Variants in PKHD1 observed in about 807,000 individuals in gnomAD.
PKHD1 encodes the protein PKHD1 ciliary IPT domain containing fibrocystin/polyductin, also known as fibrocystin.
PKHD1 carries 291 observed loss-of-function variants against 412.0 expected under a neutral mutation model. That is an observed-to-expected ratio of 0.71 (90% CI 0.64 to 0.78). The LOEUF is 0.78. Among genes scored for constraint, PKHD1 ranks in the 30% least tolerant of loss-of-function variants. The pLI, the probability that PKHD1 is intolerant of heterozygous loss-of-function variation, is 0.00. For missense variants in PKHD1, 4,825 were observed against 4,950.7 expected (o/e 0.97, Z 0.76); for synonymous variants, 1,777 against 1,821.5 (o/e 0.98, Z 0.62).
chr6:51,975,963 T>TGAAAAAAAAAAAA (rs1231391714), intron 35 of PKHD1: 2 of 69,766 alleles, frequency 2.9e-5, no homozygotes, highest in African/African-American at 1.1e-4. Flanking sequence ...TTTCTCTAAT[T>TGAAAAAAAAAAAA]AAAAAAAAAA....
At chr6:51,894,037 G>A (rs1779509398) in intron 43 of PKHD1, among the ~76,000 whole-genome samples, 1 of 152,172 alleles carries the variant, frequency 6.6e-6, no homozygotes, top group Non-Finnish European at 1.5e-5. Flanking sequence ...TGCTGTTTGA[G>A]AGCAAAGACT....
At chr6:51,678,732 C>G (rs2150550204) in intron 60 of PKHD1, among the ~76,000 whole-genome samples, 1 of 152,190 alleles carries the variant, frequency 6.6e-6, no homozygotes, top group Non-Finnish European at 1.5e-5. Context: ...TTCATCTATT[C>G]TTAACTTTCT....
rs1009106563 is a variant in PKHD1 at position 52,078,551 on chromosome 6, C to G, written c.390+1349G>C. Among the ~76,000 whole-genome samples the G allele has an allele frequency of 2.6e-5, 4 of 152,202 alleles. No homozygotes were observed. The East Asian group carries it at 7.7e-4, about 29-fold the overall frequency. The stretch of plus-strand genomic sequence containing the variant: ...GTCCCAGTCCCAAAACAAAGAGACA[C>G]GCCGTGTTTTATTTAGCCTGGAATG... On this transcript the variant is annotated intron_variant, in intron 5 of 66. Coordinates refer to ENST00000371117, the MANE Select transcript of PKHD1 (RefSeq NM_138694.4).
chr6:51,766,312 C>T (rs376349385), intron 55 of PKHD1, among the ~76,000 whole-genome samples: 33 of 152,234 alleles, frequency 2.2e-4, no homozygotes, highest in East Asian at 1.9e-3. Context: ...GCTGTATGTC[C>T]TTCCAGGGAT....
intron 60 of PKHD1, among the ~76,000 whole-genome samples, chr6:51,709,681 G>T (rs1413923200): frequency 6.6e-6 from 1 of 152,148 alleles, no homozygotes; most frequent in Non-Finnish European, 1.5e-5. Flanking sequence ...TTTGTTCACT[G>T]ACGTAAAGGT....
At chr6:51,657,518 C>T (rs554879238) in intron 61 of PKHD1, among the ~76,000 whole-genome samples, 30 of 152,070 alleles carry the variant, frequency 2.0e-4, no homozygotes, top group African/African-American at 4.3e-4. Context: ...GAGAGATAGG[C>T]GGATAGAACA....
intron 54 of PKHD1, among the ~76,000 whole-genome samples, chr6:51,773,955 A>C (rs1347921014): frequency 2.0e-5 from 3 of 151,884 alleles, no homozygotes; most frequent in African/African-American, 7.2e-5. Flanking sequence ...CCTGAAACCA[A>C]TCTTTCATAA....
At chr6:52,082,610 G>T in intron 3 of PKHD1, 68 bp from the exon 4 acceptor site, 1 of 1,486,224 alleles carries the variant, frequency 6.7e-7, no homozygotes, top group Non-Finnish European at 9.4e-7. Flanking sequence ...GTGAAACTGT[G>T]CTAAGATCCT....
chr6:51,949,455 G>A (rs1277323272), intron 36 of PKHD1, among the ~76,000 whole-genome samples: 2 of 152,128 alleles, frequency 1.3e-5, no homozygotes, highest in African/African-American at 4.8e-5. Context: ...AGGAGAAGGT[G>A]AGGAAGAGGA....
intron 36 of PKHD1, 116 bp downstream of exon 36, chr6:51,959,754 G>T: frequency 1.0e-6 from 1 of 965,678 alleles, no homozygotes. Flanking sequence ...AGTTTGGTCT[G>T]AGGATAAATT....
chr6:51,842,693 C>T (rs1471783715), intron 50 of PKHD1, among the ~76,000 whole-genome samples: 1 of 152,142 alleles, frequency 6.6e-6, no homozygotes, highest in African/African-American at 2.4e-5. Context: ...AATTGTGTTC[C>T]TATTGTGATG....
chr6:51,644,772 C>A (rs144454480), intron 63 of PKHD1, among the ~76,000 whole-genome samples: 3 of 152,110 alleles, frequency 2.0e-5, no homozygotes, highest in Admixed American at 1.3e-4. Flanking sequence ...CTCCACCTCC[C>A]GGGTTCAAGC....
At chr6:51,746,917 T>C (rs750169984) in intron 58 of PKHD1, 28 bp from the exon 59 acceptor site, 25 of 1,277,818 alleles carry the variant, frequency 2.0e-5, no homozygotes, top group South Asian at 1.3e-4. Flanking sequence ...TGTATCATAA[T>C]ATTATATCAT....
At chr6:51,706,999 T>A (rs1371878801) in intron 60 of PKHD1, among the ~76,000 whole-genome samples, 3 of 152,206 alleles carry the variant, frequency 2.0e-5, no homozygotes, top group African/African-American at 7.2e-5. Flanking sequence ...TTCTTTCAAA[T>A]TTGATTATCT....
At chr6:52,024,345 T>C (rs1801825547) in intron 32 of PKHD1, among the ~76,000 whole-genome samples, 1 of 152,074 alleles carries the variant, frequency 6.6e-6, no homozygotes, top group Non-Finnish European at 1.5e-5. Context: ...TAAAATACAA[T>C]CAAACATTTA....
At chr6:51,644,066 G>A (rs17740307) in intron 63 of PKHD1, among the ~76,000 whole-genome samples, 2,652 of 152,174 alleles carry the variant, frequency 0.017, 37 homozygotes, top group Non-Finnish European at 0.027. Flanking sequence ...GGGTTTTGAA[G>A]CTATGAACTG....
intron 41 of PKHD1, among the ~76,000 whole-genome samples, chr6:51,904,375 T>C (rs1305924620): frequency 3.3e-5 from 5 of 152,154 alleles, no homozygotes. Context: ...GCTATCTGCA[T>C]GCCCTCACCT....
chr6:51,845,699 CA>C (rs562824915), intron 50 of PKHD1, among the ~76,000 whole-genome samples: 63 of 152,318 alleles, frequency 4.1e-4, no homozygotes, highest in Middle Eastern at 3.4e-3. Context: ...CACATTCACA[CA>C]GCTACTTACA....
At position 52,022,938 on chromosome 6, in the gene PKHD1, A is replaced by G; in HGVS notation, c.5243T>C (p.Leu1748Pro). The G allele has an allele frequency of 6.2e-7, 1 of 1,614,098 alleles. No homozygotes were observed. The highest frequency in any genetic ancestry group is 8.5e-7 in the Non-Finnish European group (1 of 1,180,028). The change falls in exon 33 of 67, where the codon CTG becomes CCG. Residue 1748 changes from leucine to proline, a missense_variant. Physicochemically the swap from Leu to Pro is moderately conservative, Grantham distance 98. Transcript: ENST00000371117. ...ITAVTENFGCLGGRLVHVFGA... is the reference protein window; with the variant it reads ...ITAVTENFGCPGGRLVHVFGA... ...AAACACATGCACCAGCCTTCCACCC[A>G]GGCAGCCTTTAAAGACAAAGGTACA...
Sources: gnomAD v4.1 joint callset for allele counts (sites outside exome capture counted in the v4.1 genomes callset) on GRCh38, gnomAD v4.1.1 for gene constraint, MANE v1.5 for transcripts, NCBI Gene and HGNC (gene_info 2026-07-23, HGNC 2026-07-21) for gene names.